ANK3: variants seen among roughly 807,000 people sequenced by gnomAD.
The protein encoded by ANK3 is ankyrin-3.
ANK3 carries 57 observed loss-of-function variants against 370.9 expected under a neutral mutation model. That is an observed-to-expected ratio of 0.15 (90% CI 0.12 to 0.19). The LOEUF (loss-of-function observed/expected upper bound fraction) is 0.19, where lower values mean the gene tolerates loss of function less well. Among genes scored for constraint, ANK3 ranks in the 10% least tolerant of loss-of-function variants. The probability of loss-of-function intolerance (pLI) is 1.00; values close to 1 mark genes in which losing one functional copy is unlikely to be tolerated. For missense variants in ANK3, 4,439 were observed against 5,302.1 expected, an observed-to-expected ratio of 0.84 and a Z score of 5.06; for synonymous variants, 1,929 against 1,946.3, an observed-to-expected ratio of 0.99 and a Z score of 0.23.
Position 60,448,955 on chromosome 10 carries a change from G to A in ANK3, c.96+166231C>T, listed in dbSNP as rs186142523. Among the ~76,000 whole-genome samples the A allele has an allele frequency of 9.7e-4, 147 of 152,294 alleles. No homozygotes were observed. In the Middle Eastern group the frequency reaches 0.014, roughly 14 times the overall value. On this transcript the variant is annotated intron_variant, in intron 2 of 43. Coordinates refer to the ANK3 transcript ENST00000373827. The stretch of plus-strand genomic sequence containing the variant: ...CACAGGATGCCAATTTGACTGAAGC[G>A]CTGACCTTTATCTCTTCATTCATAA...
At chr10:60,141,559 C>CTGTTTTT (rs2094556483) in intron 23 of ANK3, among the ~76,000 whole-genome samples, 65 of 61,144 alleles carry the variant, frequency 1.1e-3, no homozygotes, top group African/African-American at 4.8e-3. Flanking sequence ...ATTTCAATTG[C>CTGTTTTT]TGTTTTTTTT....
At chr10:60,176,381 A>AG (rs1555070009) in intron 18 of ANK3, among the ~76,000 whole-genome samples, 2 of 151,056 alleles carry the variant, frequency 1.3e-5, no homozygotes, top group African/African-American at 4.9e-5. Context: ...AAAAAAAAAA[A>AG]AAAGAAAGAA....
At position 60,083,688 on chromosome 10, in the gene ANK3, G is replaced by C. The variant is rs41274680; in HGVS notation, c.4075-71C>G. The C allele has an allele frequency of 2.9e-6, 4 of 1,363,472 alleles. No homozygotes were observed. In the Admixed American group the frequency reaches 6.4e-5, roughly 22 times the overall value. 84.5% of individuals were successfully genotyped at this position (1,363,472 alleles called of 1,614,324 possible). On this transcript the variant is annotated intron_variant, in intron 32 of 43. Transcript: ENST00000280772. ...AAAATATTTTGAGATTTTATGTCAC[G>C]TAACGTTAAAAGACTGACGTTACTA...
chr10:60,690,460 G>A (rs546112779), intron 1 of ANK3, among the ~76,000 whole-genome samples: 1 of 152,068 alleles, frequency 6.6e-6, no homozygotes, highest in Non-Finnish European at 1.5e-5. Context: ...TACTGTTACA[G>A]AAAATAGTAT....
intron 35 of ANK3, 97 bp downstream of exon 35, chr10:60,082,051 TTA>T (rs1589720860): frequency 1.1e-6 from 1 of 901,952 alleles, no homozygotes; most frequent in Non-Finnish European, 1.7e-6. Flanking sequence ...AAAATATAAT[TTA>T]TATGTTTCCC....
At chr10:60,050,792 T>C (rs550816966) in intron 42 of ANK3, 9 of 152,164 alleles carry the variant, frequency 5.9e-5, no homozygotes, top group Non-Finnish European at 1.2e-4. Flanking sequence ...TGTTTTCAAT[T>C]GTGCCGTAAT....
chr10:60,432,715 G>A (rs925774676), intron 2 of ANK3, among the ~76,000 whole-genome samples: 7 of 152,190 alleles, frequency 4.6e-5, no homozygotes, highest in African/African-American at 1.7e-4. Context: ...CATTCAGGTG[G>A]AGGCCTAGGA....
chr10:60,225,545 T>C (rs752359885), intron 8 of ANK3, among the ~76,000 whole-genome samples: 6 of 152,156 alleles, frequency 3.9e-5, no homozygotes, highest in Non-Finnish European at 7.4e-5. Context: ...CCTTCTACTA[T>C]GCCAAGCAAC....
chr10:60,532,553 G>T (rs1302904583), intron 2 of ANK3, among the ~76,000 whole-genome samples: 1 of 152,052 alleles, frequency 6.6e-6, no homozygotes, highest in Non-Finnish European at 1.5e-5. Context: ...TATGACTTTT[G>T]CTGGATGAGA....
intron 1 of ANK3, among the ~76,000 whole-genome samples, chr10:60,719,078 GA>G (rs2079828135): frequency 6.6e-6 from 1 of 152,000 alleles, no homozygotes; most frequent in African/African-American, 2.4e-5. Context: ...CAAATATTGT[GA>G]CTTCTTTCTT....
chr10:60,195,340 C>T (rs905048461), intron 16 of ANK3, among the ~76,000 whole-genome samples: 2 of 149,700 alleles, frequency 1.3e-5, no homozygotes, highest in South Asian at 2.1e-4. Context: ...GCCGAGATTG[C>T]GCCACTGCAC....
At chr10:60,083,717 T>C (rs41274682) in intron 32 of ANK3, 100 bp from the exon 33 acceptor site, 100,622 of 1,019,760 alleles carry the variant, frequency 0.099, 5,692 homozygotes, top group African/African-American at 0.18. Flanking sequence ...GTTACTATGT[T>C]ACACGTGTCT....
At chr10:60,330,536 G>A (rs113387316) in intron 1 of ANK3, among the ~76,000 whole-genome samples, 3,105 of 152,256 alleles carry the variant, frequency 0.02, 110 homozygotes, top group African/African-American at 0.071. Context: ...ATCATCACTG[G>A]TCGTTAGAAA....
intron 1 of ANK3, among the ~76,000 whole-genome samples, chr10:60,618,773 G>A (rs368758742): frequency 6.6e-6 from 1 of 152,076 alleles, no homozygotes; most frequent in Middle Eastern, 3.4e-3. Context: ...TCCTTTTCAT[G>A]ACCACCAGCC....
chr10:60,732,147 C>A (rs1224539183), intron 1 of ANK3, among the ~76,000 whole-genome samples: 1 of 152,012 alleles, frequency 6.6e-6, no homozygotes, highest in Non-Finnish European at 1.5e-5. Flanking sequence ...AGTATTTATT[C>A]TTCTGCGAAA....
chr10:60,035,292 A>G (rs1258080609), intron 43 of ANK3, among the ~76,000 whole-genome samples: 1 of 152,100 alleles, frequency 6.6e-6, no homozygotes, highest in Non-Finnish European at 1.5e-5. Flanking sequence ...TCTGTCGCCC[A>G]GGCTGGAGTA....
chr10:60,214,980 A>G (rs1193058312), intron 8 of ANK3, among the ~76,000 whole-genome samples: 1 of 152,188 alleles, frequency 6.6e-6, no homozygotes, highest in African/African-American at 2.4e-5. Flanking sequence ...TCCTACCAAC[A>G]GTGTAAAAGT....
At chr10:60,037,774 G>A (rs192784887) in intron 43 of ANK3, among the ~76,000 whole-genome samples, 7 of 152,242 alleles carry the variant, frequency 4.6e-5, no homozygotes, top group Non-Finnish European at 7.4e-5. Flanking sequence ...GTGCCTTTGT[G>A]ATAGAACAAT....
chr10:60,045,463 G>A (rs1219990559), intron 42 of ANK3, among the ~76,000 whole-genome samples: 4 of 152,168 alleles, frequency 2.6e-5, no homozygotes, highest in Non-Finnish European at 5.9e-5. Flanking sequence ...CTACTCAGCA[G>A]AAGTAGGACC....
Sources: gnomAD v4.1 joint callset for allele counts (sites outside exome capture counted in the v4.1 genomes callset) on GRCh38, gnomAD v4.1.1 for gene constraint, MANE v1.5 for transcripts, NCBI Gene and HGNC (gene_info 2026-07-23, HGNC 2026-07-21) for gene names.